IL23R: variants seen among roughly 807,000 people sequenced by gnomAD.
IL23R encodes the protein interleukin 23 receptor, also known as interleukin-23 receptor.
A neutral mutation model predicts 56.9 loss-of-function variants in IL23R; 34 were observed. That is an observed-to-expected ratio of 0.60 (90% confidence interval 0.45 to 0.80). The LOEUF (loss-of-function observed/expected upper bound fraction) is 0.80, where lower values mean the gene tolerates loss of function less well. Among genes scored for constraint, IL23R ranks in the 30% least tolerant of loss-of-function variants. The probability of loss-of-function intolerance (pLI) is 0.00; values close to 1 mark genes in which losing one functional copy is unlikely to be tolerated. For missense variants in IL23R, 635 were observed against 730.0 expected (o/e 0.87, Z 1.50); for synonymous variants, 230 against 249.2 (o/e 0.92, Z 0.73).
intron 6 of IL23R, 69 bp from the exon 7 acceptor site, chr1:67,219,505 A>G (rs1396339648): frequency 2.0e-6 from 3 of 1,471,230 alleles, no homozygotes; most frequent in East Asian, 4.5e-5. Context: ...TGTTCCATAC[A>G]TTTCTGCTAA....
At chr1:67,203,951 C>A (rs11580078) in intron 5 of IL23R, among the ~76,000 whole-genome samples, 1 of 152,018 alleles carries the variant, frequency 6.6e-6, no homozygotes, top group Non-Finnish European at 1.5e-5. Flanking sequence ...TACTTCTCCC[C>A]ATTATATAAA....
At chr1:67,141,149 A>G (rs1646633453) in intron 1 of IL23R, among the ~76,000 whole-genome samples, 1 of 152,244 alleles carries the variant, frequency 6.6e-6, no homozygotes, top group Non-Finnish European at 1.5e-5. Context: ...CTTTATACAC[A>G]GAATGATTCT....
exon 1 of IL23R, chr1:67,139,092 C>T (rs1352346049): frequency 6.6e-6 from 1 of 152,376 alleles, no homozygotes; most frequent in Non-Finnish European, 1.5e-5. Flanking sequence ...TGGGCAGTAT[C>T]ATTTGAGCCC....
intron 1 of IL23R, among the ~76,000 whole-genome samples, chr1:67,148,112 C>T (rs1172462024): frequency 1.3e-5 from 2 of 152,270 alleles, no homozygotes; most frequent in East Asian, 3.8e-4. Flanking sequence ...CGTGAAGGAA[C>T]AATGGCGAGC....
rs764542940 is a variant in IL23R, at chr1:67,259,889, G to A, written c.*761G>A. 2 of 142,954 alleles carry A rather than the reference G, an allele frequency of 1.4e-5. No homozygotes were observed. The highest frequency in any genetic ancestry group is 3.6e-3 in the Middle Eastern group (1 of 274). The allele number at this position is 142,954 out of a possible 1,614,324, so 8.9% of individuals were successfully genotyped here. On this transcript the variant is annotated 3_prime_UTR_variant, in exon 11 of 11. Coordinates refer to ENST00000347310, the MANE Select transcript of IL23R (RefSeq NM_144701.3). ...TGAGGCAGGAGAATCACTTGAACCA[G>A]GAAGGCAGAGGTTGCACTGAGCTGA...
chr1:67,258,003 G>A (rs956690915), intron 10 of IL23R, among the ~76,000 whole-genome samples: 10 of 151,738 alleles, frequency 6.6e-5, no homozygotes, highest in African/African-American at 2.4e-4. Flanking sequence ...TTAGAACCTC[G>A]GCATCAAGCA....
intron 3 of IL23R, among the ~76,000 whole-genome samples, chr1:67,173,276 T>C (rs1364879847): frequency 6.6e-6 from 1 of 152,186 alleles, no homozygotes; most frequent in Non-Finnish European, 1.5e-5. Context: ...CAAACACTTA[T>C]TTGCATGTGT....
chr1:67,181,671 G>T (rs1008778704), intron 3 of IL23R, among the ~76,000 whole-genome samples: 1 of 152,170 alleles, frequency 6.6e-6, no homozygotes, highest in African/African-American at 2.4e-5. Context: ...TTCCATTGCT[G>T]GTGAGGAGCT....
At chr1:67,232,267 G>A (rs1396324672) in intron 7 of IL23R, among the ~76,000 whole-genome samples, 2 of 152,100 alleles carry the variant, frequency 1.3e-5, no homozygotes, top group South Asian at 2.1e-4. Flanking sequence ...ATAACTCTAC[G>A]CTAGAAGATT....
intron 7 of IL23R, among the ~76,000 whole-genome samples, chr1:67,229,673 T>C (rs2100282641): frequency 6.6e-6 from 1 of 152,316 alleles, no homozygotes; most frequent in East Asian, 1.9e-4. Flanking sequence ...CTCGTTAGCA[T>C]ACAAAATGAC....
At chr1:67,218,721 C>A (rs1267295332) in intron 6 of IL23R, among the ~76,000 whole-genome samples, 2 of 151,670 alleles carry the variant, frequency 1.3e-5, no homozygotes, top group African/African-American at 4.8e-5. Flanking sequence ...CCCAGGAGAC[C>A]AGCCTGGGCA....
chr1:67,228,006 CTTTCTTTCTTT>C (rs1650779015), intron 7 of IL23R, among the ~76,000 whole-genome samples: 2 of 100,224 alleles, frequency 2.0e-5, no homozygotes, highest in South Asian at 5.4e-4. Flanking sequence ...TTCTTTCTTT[CTTTCTTTCTTT>C]CTTCCTTTCT....
chr1:67,195,594 C>A (rs976851950), intron 4 of IL23R, among the ~76,000 whole-genome samples: 1 of 152,046 alleles, frequency 6.6e-6, no homozygotes, highest in African/African-American at 2.4e-5. Context: ...CCATGACATA[C>A]CCTCCTCGTC....
intron 1 of IL23R, among the ~76,000 whole-genome samples, chr1:67,153,007 A>G (rs1322868365): frequency 6.6e-6 from 1 of 152,230 alleles, no homozygotes; most frequent in Non-Finnish European, 1.5e-5. Context: ...TGTCTGGAGC[A>G]GTTTCAGAAG....
At chr1:67,205,921 TTC>T (rs1491011880) in intron 5 of IL23R, among the ~76,000 whole-genome samples, 1 of 123,266 alleles carries the variant, frequency 8.1e-6, no homozygotes, top group Admixed American at 8.9e-5. Flanking sequence ...CTTTCTTTCT[TTC>T]TTTTTCTTTC....
chr1:67,207,485 G>C, intron 6 of IL23R: 1 of 316,624 alleles, frequency 3.2e-6, no homozygotes, highest in Non-Finnish European at 6.1e-6. Flanking sequence ...GAATTCCCAG[G>C]TGTTGTGGGA....
chr1:67,180,118 T>C (rs878961248), intron 3 of IL23R, among the ~76,000 whole-genome samples: 1 of 152,236 alleles, frequency 6.6e-6, no homozygotes, highest in Non-Finnish European at 1.5e-5. Context: ...GAGAGTTCTG[T>C]AGATGTCTAT....
At chr1:67,145,657 T>G (rs950216930) in intron 1 of IL23R, among the ~76,000 whole-genome samples, 1 of 152,226 alleles carries the variant, frequency 6.6e-6, no homozygotes, top group Non-Finnish European at 1.5e-5. Context: ...ACCGAATTAA[T>G]GAATATATAA....
intron 9 of IL23R, among the ~76,000 whole-genome samples, chr1:67,251,984 C>A (rs1334163625): frequency 6.6e-6 from 1 of 152,004 alleles, no homozygotes; most frequent in Admixed American, 6.6e-5. Context: ...GTCAAGCTCC[C>A]AAGAATGTAA....
Sources: gnomAD v4.1 joint callset for allele counts (sites outside exome capture counted in the v4.1 genomes callset) on GRCh38, gnomAD v4.1.1 for gene constraint, MANE v1.5 for transcripts, NCBI Gene and HGNC (gene_info 2026-07-23, HGNC 2026-07-21) for gene names.